The following SLC9A2 variants were observed in gnomAD, a reference collection of about 807,000 sequenced individuals.
SLC9A2 encodes the protein solute carrier family 9 member A2.
In SLC9A2, 42 loss-of-function variants were observed where a neutral mutation model predicts 71.7. That is an observed-to-expected ratio of 0.59 (90% CI 0.46 to 0.76). The LOEUF (loss-of-function observed/expected upper bound fraction) is 0.76. Ranked by LOEUF, SLC9A2 falls within the 30% of genes least tolerant of loss-of-function variation. The pLI, the probability that SLC9A2 is intolerant of heterozygous loss-of-function variation, is 0.00. For synonymous variants in SLC9A2, 396 were observed against 392.5 expected, an observed-to-expected ratio of 1.01 and a Z score of -0.10; for missense variants, 829 against 1,017.4, an observed-to-expected ratio of 0.81 and a Z score of 2.52.
chr2:102,652,109 G>T (rs539601753), intron 1 of SLC9A2, among the ~76,000 whole-genome samples: 229 of 152,266 alleles, frequency 1.5e-3, no homozygotes, highest in African/African-American at 5.1e-3. Flanking sequence ...CATTTTAAAA[G>T]AAAGTGTTGA....
intron 3 of SLC9A2, among the ~76,000 whole-genome samples, chr2:102,668,953 A>G (rs1677194311): frequency 6.6e-6 from 1 of 152,202 alleles, no homozygotes; most frequent in Non-Finnish European, 1.5e-5. Flanking sequence ...AGATGAATCT[A>G]ATGAAAAAGA....
chr2:102,704,464 G>C, intron 9 of SLC9A2, 80 bp from the exon 10 acceptor site: 1 of 1,413,444 alleles, frequency 7.1e-7, no homozygotes, highest in Non-Finnish European at 9.8e-7. Context: ...AAGAAATGTG[G>C]TAAAGTCTTG....
chr2:102,689,279 T>C (rs1359771671), intron 5 of SLC9A2, among the ~76,000 whole-genome samples: 1 of 152,172 alleles, frequency 6.6e-6, no homozygotes, highest in African/African-American at 2.4e-5. Flanking sequence ...TATATTGCTC[T>C]CTCAGAAGGG....
chr2:102,701,340 C>G (rs548486268), intron 8 of SLC9A2, 109 bp downstream of exon 8: 371 of 838,818 alleles, frequency 4.4e-4, no homozygotes, highest in Non-Finnish European at 5.8e-4. Context: ...GATCCGCCCC[C>G]CTCGGCCTCC....
At chr2:102,634,785 T>A (rs1676436290) in intron 1 of SLC9A2, among the ~76,000 whole-genome samples, 1 of 152,170 alleles carries the variant, frequency 6.6e-6, no homozygotes, top group Non-Finnish European at 1.5e-5. Context: ...TTATTCCAGG[T>A]TCTTGTCTTG....
rs116838620 is a variant in SLC9A2, at chr2:102,621,590, G to A, written c.289+1453G>A. Among the ~76,000 whole-genome samples, 1,046 of 152,312 alleles carry A rather than the reference G, an allele frequency of 6.9e-3. 11 individuals are homozygous for A. Among genetic ancestry groups the A allele is most frequent in the African/African-American group, 0.023 (975 of 41,564 alleles). ...AAGTTGTTAGGTCCAAAGAATGTAT[G>A]CATTACATGTGTTTTACGTCTTTAC... is the stretch of plus-strand genomic sequence containing the variant. On this transcript the variant is annotated intron_variant, in intron 1 of 11. Transcript: ENST00000233969.
At chr2:102,695,816 T>A (rs1227282292) in intron 7 of SLC9A2, among the ~76,000 whole-genome samples, 1 of 131,392 alleles carries the variant, frequency 7.6e-6, no homozygotes, top group African/African-American at 2.9e-5. Context: ...ATATATATAA[T>A]ATATATATAA....
At chr2:102,627,812 T>C (rs1301968308) in intron 1 of SLC9A2, among the ~76,000 whole-genome samples, 1 of 152,206 alleles carries the variant, frequency 6.6e-6, no homozygotes, top group Admixed American at 6.5e-5. Flanking sequence ...TTGGTTTACT[T>C]ATGTTCTGTT....
At chr2:102,701,001 T>C (rs575617603) in intron 7 of SLC9A2, 69 bp from the exon 8 acceptor site, 9 of 1,128,740 alleles carry the variant, frequency 8.0e-6, no homozygotes, top group African/African-American at 4.7e-5. Context: ...AATGACTTCA[T>C]TGGTAAAAAC....
intron 2 of SLC9A2, among the ~76,000 whole-genome samples, chr2:102,661,625 G>A (rs1199282547): frequency 1.3e-5 from 2 of 151,996 alleles, no homozygotes; most frequent in African/African-American, 4.8e-5. Context: ...TAAAATCAAA[G>A]TTCAAAGTTC....
chr2:102,705,390 C>T (rs756681193), intron 10 of SLC9A2, among the ~76,000 whole-genome samples: 27 of 151,404 alleles, frequency 1.8e-4, no homozygotes, highest in Non-Finnish European at 3.4e-4. Context: ...CTAGCGACTG[C>T]GGTATTTGAA....
Position 102,619,571 on chromosome 2 carries a change from A to G in SLC9A2, c.-278A>G. On this transcript the variant is annotated 5_prime_UTR_variant, in exon 1 of 12. The change abolishes an upstream ATG in the 5' untranslated region. Transcript: ENST00000233969. The surrounding 1 kb of genome is among the most constrained non-coding windows in gnomAD (Gnocchi z 4.3). ...TGCGGCTGGAGAGCAGCGCACCGGCATGGGCAGGCGGCCGGCGGCGGAGGG... is the reference window on the plus strand; with the variant it reads ...TGCGGCTGGAGAGCAGCGCACCGGCGTGGGCAGGCGGCCGGCGGCGGAGGG... 1 of 275,028 alleles carries G rather than the reference A, an allele frequency of 3.6e-6. No individual in the cohort carries two copies. Among genetic ancestry groups the G allele is most frequent in the Non-Finnish European group, 6.7e-6 (1 of 148,516 alleles). The allele number at this position is 275,028 out of a possible 1,614,324, so 17.0% of individuals were successfully genotyped here. A position where few individuals can be genotyped will look rare whatever the true frequency, so the allele number is the denominator to read the frequency against.
At chr2:102,642,408 T>C (rs906070415) in intron 1 of SLC9A2, among the ~76,000 whole-genome samples, 3 of 150,772 alleles carry the variant, frequency 2.0e-5, no homozygotes, top group Non-Finnish European at 4.4e-5. Context: ...ACATACTTTT[T>C]CTGCATCAAT....
Position 102,695,121 on chromosome 2 carries a change from G to T in SLC9A2, c.1586+8G>T. ...CAACTTTTGGAGAGACAAGTAAGAA[G>T]GTCTTATGCCATTGGGTTATGAAGT... On this transcript the variant is annotated splice_region_variant and intron_variant, in intron 7 of 11. Transcript: ENST00000233969. 1 of 1,607,714 alleles carries T rather than the reference G, an allele frequency of 6.2e-7. No individual in the cohort carries two copies. Among genetic ancestry groups the T allele is most frequent in the Middle Eastern group, 1.7e-4 (1 of 6,040 alleles).
chr2:102,659,187 G>A (rs2104521140), intron 2 of SLC9A2, among the ~76,000 whole-genome samples: 1 of 152,118 alleles, frequency 6.6e-6, no homozygotes, highest in Admixed American at 6.5e-5. Context: ...CATGCCTTTG[G>A]GAGGCTGAGG....
chr2:102,651,570 G>A (rs1471711081), intron 1 of SLC9A2, among the ~76,000 whole-genome samples: 1 of 152,162 alleles, frequency 6.6e-6, no homozygotes, highest in Non-Finnish European at 1.5e-5. Flanking sequence ...TGAGCACATT[G>A]ATACAAAATA....
At chr2:102,673,791 T>G (rs943637516) in intron 3 of SLC9A2, among the ~76,000 whole-genome samples, 76 of 144,022 alleles carry the variant, frequency 5.3e-4, no homozygotes, top group Non-Finnish European at 9.3e-4. Context: ...ATAAATACTT[T>G]TTTTTTTTTT....
In SLC9A2 at chr2:102,657,705, A is replaced by C. The variant is rs754100035; in HGVS notation, c.431A>C (p.Tyr144Ser). ...PAMKTDVFFL[Y>S]LLPPIVLDAG... ...ATGAAGACTGATGTATTTTTCTTGT[A>C]CCTCCTCCCACCCATCGTGCTGGAT... is the stretch of plus-strand genomic sequence containing the variant. The change falls in exon 2 of 12, where the codon TAC (tyrosine) becomes TCC (serine). Residue 144 changes from tyrosine (Y) to serine (S), a missense_variant. Tyr to Ser is a moderately radical substitution (Grantham distance 144, BLOSUM62 -2). Around this residue, in one of 3 missense-constraint regions of SLC9A2, gnomAD observed 500 missense variants for 726.3 expected, o/e 0.69. Transcript: ENST00000233969. The C allele has an allele frequency of 6.2e-7, 1 of 1,613,826 alleles. No homozygotes were observed. Among genetic ancestry groups the C allele is most frequent in the South Asian group, 1.1e-5 (1 of 91,054 alleles).
intron 2 of SLC9A2, among the ~76,000 whole-genome samples, chr2:102,661,708 G>A (rs1466597423): frequency 6.6e-6 from 1 of 152,080 alleles, no homozygotes; most frequent in African/African-American, 2.4e-5. Flanking sequence ...TTGATTATTT[G>A]AAAGATTTCA....
Sources: gnomAD v4.1 joint callset for allele counts (sites outside exome capture counted in the v4.1 genomes callset) on GRCh38, gnomAD v4.1.1 for gene constraint, gnomAD v4.1.1 regional missense constraint, Gnocchi (gnomAD v3.1) non-coding constraint, MANE v1.5 for transcripts, NCBI Gene and HGNC (gene_info 2026-07-23, HGNC 2026-07-21) for gene names.